SLC1A1: variants seen among roughly 807,000 people sequenced by gnomAD.
SLC1A1 encodes the protein solute carrier family 1 member 1, also known as excitatory amino acid transporter 3.
Under a neutral mutation model 53.3 loss-of-function variants are expected in SLC1A1, and 43 were observed. That is an observed-to-expected ratio of 0.81 (90% CI 0.63 to 1.04). The LOEUF (loss-of-function observed/expected upper bound fraction) is 1.04, where lower values mean the gene tolerates loss of function less well. Among genes scored for constraint, SLC1A1 ranks in the 50% least tolerant of loss-of-function variants. The pLI is 0.00. For missense variants in SLC1A1, 748 were observed against 664.9 expected (o/e 1.12, Z -1.37); for synonymous variants, 307 against 243.2 (o/e 1.26, Z -2.44).
At chr9:4,543,037 A>T (rs553370414) in intron 1 of SLC1A1, among the ~76,000 whole-genome samples, 4 of 152,330 alleles carry the variant, frequency 2.6e-5, no homozygotes, top group African/African-American at 9.6e-5. Context: ...AGAATAGGGA[A>T]ATAAAATTAA....
chr9:4,551,614 G>T (rs897856232), intron 2 of SLC1A1, among the ~76,000 whole-genome samples: 2 of 152,170 alleles, frequency 1.3e-5, no homozygotes, highest in Non-Finnish European at 2.9e-5. Context: ...TTCTTTTCTT[G>T]AAACATTGGT....
At chr9:4,524,455 T>G (rs1445657438) in intron 1 of SLC1A1, among the ~76,000 whole-genome samples, 2 of 151,962 alleles carry the variant, frequency 1.3e-5, no homozygotes, top group East Asian at 3.9e-4. Context: ...GTGCCAGAAA[T>G]AAAAAGGGAA....
intron 1 of SLC1A1, among the ~76,000 whole-genome samples, chr9:4,534,883 G>C (rs1297757622): frequency 6.6e-6 from 1 of 152,046 alleles, no homozygotes; most frequent in Admixed American, 6.6e-5. Flanking sequence ...TTCATCCCTG[G>C]GATGCAAGGC....
chr9:4,541,403 C>A (rs540440578), intron 1 of SLC1A1, among the ~76,000 whole-genome samples: 1 of 152,144 alleles, frequency 6.6e-6, no homozygotes, highest in Non-Finnish European at 1.5e-5. Context: ...CAATTTAGTT[C>A]GTTTGTTTTC....
intron 1 of SLC1A1, among the ~76,000 whole-genome samples, chr9:4,510,960 T>C (rs1373633656): frequency 6.6e-6 from 1 of 152,200 alleles, no homozygotes; most frequent in African/African-American, 2.4e-5. Flanking sequence ...TACTGTCCCT[T>C]AGCAAGAGCA....
chr9:4,564,518 A>G lies in SLC1A1; in HGVS notation c.440+60A>G, dbSNP rs192766953. The G allele has an allele frequency of 4.4e-4, 402 of 919,066 alleles. 3 individuals are homozygous for G. In the East Asian group the frequency reaches 8.0e-3, roughly 18 times the overall value. 56.9% of individuals were successfully genotyped at this position (919,066 alleles called of 1,614,324 possible). On this transcript the variant is annotated intron_variant, in intron 4 of 11. Transcript: ENST00000262352. ...TGCGGATAGCAGCACAAGGCCTTGT[A>G]TGTGGTTTAATATTCTGCTGTTACT...
rs978277101 is a variant in SLC1A1 at position 4,549,956 on chromosome 9, C to T, written c.232+5249C>T. Among the ~76,000 whole-genome samples the T allele has an allele frequency of 6.6e-6, 1 of 152,104 alleles. No homozygotes were observed. Among genetic ancestry groups the T allele is most frequent in the Non-Finnish European group, 1.5e-5 (1 of 68,010 alleles). ...CGCAGCTCTGGATTTCCTAAAAACG[C>T]CTGCTCAAACAAGGGCACACACAGC... On this transcript the variant is annotated intron_variant, in intron 2 of 11. Transcript: ENST00000262352. The surrounding 1 kb of genome is among the most constrained non-coding windows in gnomAD (Gnocchi z 4.1).
At chr9:4,584,377 T>G (rs1013606931) in intron 11 of SLC1A1, among the ~76,000 whole-genome samples, 1 of 152,174 alleles carries the variant, frequency 6.6e-6, no homozygotes, top group East Asian at 1.9e-4. Flanking sequence ...GCTGGTGGAT[T>G]TGCATTTTTC....
At chr9:4,516,139 T>C (rs1480067723) in intron 1 of SLC1A1, among the ~76,000 whole-genome samples, 5 of 152,150 alleles carry the variant, frequency 3.3e-5, no homozygotes, top group African/African-American at 1.2e-4. Context: ...ACCTATAATC[T>C]ATGAAAGAGC....
intron 1 of SLC1A1, among the ~76,000 whole-genome samples, chr9:4,528,315 G>A (rs554273785): frequency 1.2e-4 from 18 of 152,316 alleles, no homozygotes; most frequent in African/African-American, 4.1e-4. Flanking sequence ...GCTCATGCCT[G>A]TAATCCCAGC....
chr9:4,562,896 T>C (rs1198005035), intron 3 of SLC1A1, among the ~76,000 whole-genome samples: 4 of 145,422 alleles, frequency 2.8e-5, no homozygotes, highest in Non-Finnish European at 5.9e-5. Flanking sequence ...TGTGTCTTTA[T>C]AGCAGCATGA....
intron 1 of SLC1A1, among the ~76,000 whole-genome samples, chr9:4,538,140 G>T (rs1047378811): frequency 2.6e-5 from 4 of 152,162 alleles, no homozygotes; most frequent in South Asian, 4.1e-4. Flanking sequence ...TTTTGCCAAA[G>T]TTAAGGACTC....
intron 1 of SLC1A1, among the ~76,000 whole-genome samples, chr9:4,505,198 C>T (rs1325348584): frequency 6.6e-6 from 1 of 151,854 alleles, no homozygotes; most frequent in African/African-American, 2.4e-5. Context: ...AGATGTGCAA[C>T]ACCATGCCTA....
intron 2 of SLC1A1, among the ~76,000 whole-genome samples, chr9:4,545,620 C>T (rs1418266564): frequency 6.6e-6 from 1 of 152,170 alleles, no homozygotes; most frequent in Non-Finnish European, 1.5e-5. Context: ...TATGTGTCTG[C>T]CCTGCATATT....
chr9:4,576,452 C>T lies in SLC1A1; in HGVS notation c.999-117C>T, dbSNP rs189943822. 5.0e-4 allele frequency: 428 copies of T among 856,350 alleles called. 3 individuals are homozygous for T. In the East Asian group the frequency reaches 0.01, roughly 21 times the overall value. The allele number at this position is 856,350 out of a possible 1,614,324, so 53.0% of individuals were successfully genotyped here. On this transcript the variant is annotated intron_variant, in intron 9 of 11. Transcript: ENST00000262352. The stretch of plus-strand genomic sequence containing the variant: ...GTTTTGTTATTTTCTTTACTTTTCT[C>T]GACAAGATTACCTAAAAGGACCCTT...
At chr9:4,515,398 G>C (rs1821128857) in intron 1 of SLC1A1, among the ~76,000 whole-genome samples, 1 of 152,176 alleles carries the variant, frequency 6.6e-6, no homozygotes, top group Non-Finnish European at 1.5e-5. Flanking sequence ...TTTCTGAAGG[G>C]AGGATAGATA....
At chr9:4,568,015 G>C (rs1029276258) in intron 6 of SLC1A1, among the ~76,000 whole-genome samples, 3 of 152,176 alleles carry the variant, frequency 2.0e-5, no homozygotes, top group East Asian at 1.9e-4. Flanking sequence ...AAAAGGCTGT[G>C]CTCTGCTTTC....
intron 1 of SLC1A1, among the ~76,000 whole-genome samples, chr9:4,536,878 T>G (rs541933964): frequency 6.6e-5 from 10 of 152,120 alleles, no homozygotes; most frequent in Non-Finnish European, 1.3e-4. Context: ...AAATGATGAG[T>G]TCATGTCCTT....
chr9:4,568,766 A>G (rs1050207303), intron 6 of SLC1A1, among the ~76,000 whole-genome samples: 2 of 152,144 alleles, frequency 1.3e-5, no homozygotes, highest in African/African-American at 2.4e-5. Context: ...CCTAAGCACA[A>G]GAAGACTGTG....
Sources: gnomAD v4.1 joint callset for allele counts (sites outside exome capture counted in the v4.1 genomes callset) on GRCh38, gnomAD v4.1.1 for gene constraint, Gnocchi (gnomAD v3.1) non-coding constraint, MANE v1.5 for transcripts, NCBI Gene and HGNC (gene_info 2026-07-23, HGNC 2026-07-21) for gene names.